LDB2: variants seen among roughly 807,000 people sequenced by gnomAD.
The protein encoded by LDB2 is LIM domain binding 2.
LDB2 carries 12 observed loss-of-function variants against 44.3 expected under a neutral mutation model. The ratio of observed to expected loss-of-function variants is 0.27; its 90% CI spans 0.17 to 0.44. The LOEUF (loss-of-function observed/expected upper bound fraction) is 0.44, where lower values mean the gene tolerates loss of function less well. LDB2 is among the 20% of genes least tolerant of loss of function. The probability of loss-of-function intolerance (pLI) is 1.00; values close to 1 mark genes in which losing one functional copy is unlikely to be tolerated. For missense variants in LDB2, 344 were observed against 473.5 expected (o/e 0.73, Z 2.54); for synonymous variants, 164 against 174.8 (o/e 0.94, Z 0.49).
At chr4:16,766,287 A>G (rs138079290) in intron 1 of LDB2, among the ~76,000 whole-genome samples, 43 of 151,860 alleles carry the variant, frequency 2.8e-4, no homozygotes, top group African/African-American at 9.7e-4. Flanking sequence ...TTAATATTTT[A>G]TTTACATGAT....
At chr4:16,808,175 G>T (rs182137042) in intron 1 of LDB2, among the ~76,000 whole-genome samples, 1 of 152,104 alleles carries the variant, frequency 6.6e-6, no homozygotes, top group African/African-American at 2.4e-5. Context: ...CTTCCGATAC[G>T]CCCCTCTGGA....
chr4:16,591,564 G>T (rs1560569921), intron 3 of LDB2, among the ~76,000 whole-genome samples: 1 of 152,120 alleles, frequency 6.6e-6, no homozygotes, highest in Admixed American at 6.5e-5. Context: ...GGACAGAGGA[G>T]GATTTTGGTC....
chr4:16,595,611 C>T, intron 3 of LDB2, 92 bp downstream of exon 3: 3 of 1,159,946 alleles, frequency 2.6e-6, no homozygotes, highest in South Asian at 1.6e-5. Flanking sequence ...GATGAGCAAT[C>T]GGCCCCAGGT....
intron 5 of LDB2, among the ~76,000 whole-genome samples, chr4:16,561,297 G>C (rs192983875): frequency 6.6e-6 from 1 of 152,100 alleles, no homozygotes; most frequent in Non-Finnish European, 1.5e-5. Context: ...TGCAGATGAC[G>C]TGATTGTATA....
intron 5 of LDB2, among the ~76,000 whole-genome samples, chr4:16,565,672 A>C (rs939397616): frequency 6.6e-6 from 1 of 152,070 alleles, no homozygotes; most frequent in African/African-American, 2.4e-5. Flanking sequence ...TAAGATATAA[A>C]AATTTTAAAA....
At chr4:16,877,002 G>T (rs185259772) in intron 1 of LDB2, among the ~76,000 whole-genome samples, 1 of 151,840 alleles carries the variant, frequency 6.6e-6, no homozygotes, top group Admixed American at 6.6e-5. Flanking sequence ...CCAACTCTTG[G>T]GCTGAAACAA....
intron 1 of LDB2, among the ~76,000 whole-genome samples, chr4:16,839,429 G>T (rs545902281): frequency 3.3e-5 from 5 of 152,208 alleles, no homozygotes; most frequent in South Asian, 4.1e-4. Flanking sequence ...CCATTAATCT[G>T]TTCATGAGGG....
chr4:16,842,878 C>T (rs759296734), intron 1 of LDB2, among the ~76,000 whole-genome samples: 1 of 152,090 alleles, frequency 6.6e-6, no homozygotes, highest in East Asian at 1.9e-4. Context: ...TGATATAGGG[C>T]TACTGTGAGG....
chr4:16,504,573 A>ATGAC (rs1718610028), intron 7 of LDB2, among the ~76,000 whole-genome samples: 1 of 152,216 alleles, frequency 6.6e-6, no homozygotes, highest in Non-Finnish European at 1.5e-5. Context: ...AGAACCAGAA[A>ATGAC]TGACAGTGAC....
At chr4:16,596,581 A>G (rs1167930257) in intron 2 of LDB2, among the ~76,000 whole-genome samples, 1 of 152,204 alleles carries the variant, frequency 6.6e-6, no homozygotes, top group Non-Finnish European at 1.5e-5. Context: ...TCTTTACAAA[A>G]TAATTCCCAT....
intron 5 of LDB2, among the ~76,000 whole-genome samples, chr4:16,561,974 T>C (rs975614517): frequency 3.9e-5 from 6 of 152,202 alleles, no homozygotes; most frequent in Admixed American, 6.5e-5. Flanking sequence ...GGGGAAAGGA[T>C]TCCCTATTTA....
At chr4:16,709,076 T>G (rs1755287014) in intron 2 of LDB2, among the ~76,000 whole-genome samples, 1 of 137,858 alleles carries the variant, frequency 7.3e-6, no homozygotes, top group Admixed American at 7.6e-5. Flanking sequence ...GAAGTCTCTC[T>G]ATGCTAGAGA....
chr4:16,811,698 G>A (rs555478627), intron 1 of LDB2, among the ~76,000 whole-genome samples: 1 of 152,272 alleles, frequency 6.6e-6, no homozygotes, highest in Non-Finnish European at 1.5e-5. Flanking sequence ...ACAGACACAC[G>A]TGTCAACTTA....
At chr4:16,898,173 A>T (rs1010926683) in intron 1 of LDB2, among the ~76,000 whole-genome samples, 181 bp downstream of exon 1, 1 of 151,804 alleles carries the variant, frequency 6.6e-6, no homozygotes, top group East Asian at 2.0e-4. Context: ...CTCTGCTACA[A>T]GAGTTGCTGT....
At chr4:16,518,961 C>T (rs1327134061) in intron 5 of LDB2, among the ~76,000 whole-genome samples, 1 of 152,190 alleles carries the variant, frequency 6.6e-6, no homozygotes, top group Non-Finnish European at 1.5e-5. Flanking sequence ...AGGTCCAGCT[C>T]AAATCCCACC....
chr4:16,879,000 A>T (rs1719247837), intron 1 of LDB2, among the ~76,000 whole-genome samples: 1 of 152,182 alleles, frequency 6.6e-6, no homozygotes. Flanking sequence ...CATTACAACT[A>T]TACTTTAGTT....
intron 5 of LDB2, among the ~76,000 whole-genome samples, chr4:16,569,195 C>G (rs1284062211): frequency 6.6e-6 from 1 of 152,180 alleles, no homozygotes; most frequent in Non-Finnish European, 1.5e-5. Flanking sequence ...TAAAAAATAA[C>G]TTCTTCAATT....
chr4:16,728,186 T>C (rs1253056467), intron 2 of LDB2, among the ~76,000 whole-genome samples: 1 of 152,010 alleles, frequency 6.6e-6, no homozygotes, highest in African/African-American at 2.4e-5. Flanking sequence ...TATCAGACAG[T>C]TAAAAAAGGG....
At chr4:16,583,383 T>C (rs182931001) in intron 5 of LDB2, among the ~76,000 whole-genome samples, 1 of 152,326 alleles carries the variant, frequency 6.6e-6, no homozygotes, top group African/African-American at 2.4e-5. Context: ...AGTATCCATC[T>C]GACCTCTTTT....
Sources: allele counts gnomAD v4.1 joint callset (sites outside exome capture counted in the v4.1 genomes callset), GRCh38; gene constraint gnomAD v4.1.1; transcripts MANE v1.5; gene names NCBI Gene and HGNC (gene_info 2026-07-23, HGNC 2026-07-21).